Variants in AGMO observed in about 807,000 individuals in gnomAD.
AGMO encodes the protein alkylglycerol monooxygenase.
In AGMO, 75 loss-of-function variants were observed where a neutral mutation model predicts 60.2. The ratio of observed to expected loss-of-function variants is 1.25; its 90% CI spans 1.03 to 1.51. The LOEUF (loss-of-function observed/expected upper bound fraction) is 1.51, where lower values mean the gene tolerates loss of function less well. Among genes scored for constraint, AGMO ranks in the 40% most tolerant of loss-of-function variants. The pLI, the probability that AGMO is intolerant of heterozygous loss-of-function variation, is 0.00. For synonymous variants in AGMO, 261 were observed against 177.1 expected (o/e 1.47, Z -3.76); for missense variants, 763 against 525.5 (o/e 1.45, Z -4.42).
intron 10 of AGMO, among the ~76,000 whole-genome samples, chr7:15,370,149 G>A (rs1783146172): frequency 6.6e-6 from 1 of 152,094 alleles, no homozygotes; most frequent in African/African-American, 2.4e-5. Flanking sequence ...GTAAGAACTT[G>A]CAATATTTGG....
rs1491261219 is a variant in AGMO, at chr7:15,354,327, T to TCTATACACAC, written c.1263+11186_1263+11187insGTGTGTATAG. 4.7e-4 allele frequency among the ~76,000 whole-genome samples: 15 copies of TCTATACACAC among 32,236 alleles called. 3 individuals are homozygous for TCTATACACAC. Among genetic ancestry groups the TCTATACACAC allele is most frequent in the African/African-American group, 2.8e-3 (13 of 4,640 alleles). 21.1% of individuals were successfully genotyped at this position (32,236 alleles called of 152,430 possible). ...ACGTGTATACACGCGTGTATATACG[T>TCTATACACAC]ACGCGTGTATATACACGCGTGTATA... On this transcript the variant is annotated intron_variant, in intron 12 of 12. Coordinates refer to ENST00000342526, the MANE Select transcript of AGMO (RefSeq NM_001004320.2).
chr7:15,217,773 G>A (rs1237136872), intron 12 of AGMO, among the ~76,000 whole-genome samples: 2 of 151,898 alleles, frequency 1.3e-5, no homozygotes, highest in African/African-American at 4.8e-5. Context: ...TAAATGAGAA[G>A]AATGGTGGAG....
the AGMO span, among the ~76,000 whole-genome samples, chr7:15,172,997 C>T: frequency 6.6e-6 from 1 of 152,160 alleles, no homozygotes; most frequent in African/African-American, 2.4e-5. Context: ...GGTCTCATTA[C>T]ATATCCTTAT....
chr7:15,501,055 T>C (rs746419959), intron 3 of AGMO, among the ~76,000 whole-genome samples: 4 of 152,174 alleles, frequency 2.6e-5, no homozygotes, highest in South Asian at 4.1e-4. Flanking sequence ...TTGTGGTTGG[T>C]ATGATTTTAT....
chr7:15,531,465 CTA>C (rs1218512366), intron 3 of AGMO, among the ~76,000 whole-genome samples: 6 of 50,880 alleles, frequency 1.2e-4, no homozygotes, highest in African/African-American at 5.3e-4. Context: ...TATATATATT[CTA>C]TATATATTCT....
chr7:15,168,318 A>C, the AGMO span, among the ~76,000 whole-genome samples: 6 of 152,204 alleles, frequency 3.9e-5, no homozygotes, highest in Non-Finnish European at 5.9e-5. Flanking sequence ...GAATCAGAAA[A>C]AGCAATGAAA....
intron 3 of AGMO, among the ~76,000 whole-genome samples, chr7:15,439,120 C>T (rs368365449): frequency 6.6e-5 from 10 of 152,198 alleles, no homozygotes; most frequent in East Asian, 5.8e-4. Flanking sequence ...AGAACATGAC[C>T]GGGCACAGTG....
chr7:15,138,120 T>C, the AGMO span, among the ~76,000 whole-genome samples: 1 of 152,304 alleles, frequency 6.6e-6, no homozygotes, highest in East Asian at 1.9e-4. Flanking sequence ...CCCAAAAAGT[T>C]AGAATTGCTC....
chr7:15,376,230 CT>C (rs1783444862), intron 10 of AGMO, among the ~76,000 whole-genome samples: 1 of 151,850 alleles, frequency 6.6e-6, no homozygotes, highest in Non-Finnish European at 1.5e-5. Flanking sequence ...CACCGAAAAT[CT>C]TAAGGAAATG....
At chr7:15,376,750 A>G (rs1211200512) in intron 10 of AGMO, among the ~76,000 whole-genome samples, 1 of 152,082 alleles carries the variant, frequency 6.6e-6, no homozygotes, top group Non-Finnish European at 1.5e-5. Context: ...TGTACTCATG[A>G]TATCACCCCA....
At chr7:15,260,940 T>A (rs934026380) in intron 12 of AGMO, among the ~76,000 whole-genome samples, 1 of 152,022 alleles carries the variant, frequency 6.6e-6, no homozygotes, top group Non-Finnish European at 1.5e-5. Flanking sequence ...GAAATCAAGA[T>A]GGAAATAAAA....
intron 4 of AGMO, among the ~76,000 whole-genome samples, chr7:15,426,926 T>G (rs1307933484): frequency 6.6e-6 from 1 of 151,996 alleles, no homozygotes; most frequent in Non-Finnish European, 1.5e-5. Context: ...AAGATGAAAC[T>G]GGAGAGACGA....
intron 12 of AGMO, among the ~76,000 whole-genome samples, chr7:15,332,728 T>C (rs1450552951): frequency 6.6e-6 from 1 of 152,162 alleles, no homozygotes; most frequent in Non-Finnish European, 1.5e-5. Flanking sequence ...AGGTGCTTAA[T>C]AAACAGTATT....
the AGMO span, among the ~76,000 whole-genome samples, chr7:15,119,344 T>A: frequency 6.6e-6 from 1 of 152,058 alleles, no homozygotes; most frequent in Non-Finnish European, 1.5e-5. Flanking sequence ...TGTGAGCCAA[T>A]TAAACCTCTT....
downstream of AGMO, among the ~76,000 whole-genome samples, chr7:15,198,237 GAGAGAGAGAGAGAGAGAGACAGAGAC>G (rs1781178863): frequency 7.1e-5 from 8 of 112,710 alleles, no homozygotes; most frequent in African/African-American, 1.4e-4. Flanking sequence ...GAGAGAGAGA[GAGAGAGAGAGAGAGAGAGACAGAGAC>G]AGAGAGAGAG....
chr7:15,541,103 T>C (rs1045780773), intron 3 of AGMO, among the ~76,000 whole-genome samples: 2 of 152,116 alleles, frequency 1.3e-5, no homozygotes, highest in Admixed American at 1.3e-4. Context: ...AGTTGTTTTT[T>C]TGTTTGTTTG....
chr7:15,122,608 A>G, the AGMO span, among the ~76,000 whole-genome samples: 1 of 152,006 alleles, frequency 6.6e-6, no homozygotes, highest in African/African-American at 2.4e-5. Flanking sequence ...ACTCCACGTC[A>G]CTCACATTTC....
chr7:15,288,763 TGAAA>T (rs1457022588), intron 12 of AGMO, among the ~76,000 whole-genome samples: 1 of 137,906 alleles, frequency 7.3e-6, no homozygotes, highest in African/African-American at 2.7e-5. Context: ...TAAATCATCC[TGAAA>T]AAAAAAAAAG....
intron 12 of AGMO, among the ~76,000 whole-genome samples, chr7:15,335,552 T>C (rs1781632170): frequency 6.6e-6 from 1 of 152,118 alleles, no homozygotes; most frequent in Non-Finnish European, 1.5e-5. Flanking sequence ...TGGATAGAAA[T>C]CCGTCACCTG....
Sources: gnomAD v4.1 joint callset for allele counts (sites outside exome capture counted in the v4.1 genomes callset) on GRCh38, gnomAD v4.1.1 for gene constraint, MANE v1.5 for transcripts, NCBI Gene and HGNC (gene_info 2026-07-23, HGNC 2026-07-21) for gene names.